Variants in ASAP3 observed in about 807,000 individuals in gnomAD.
ASAP3 encodes arf-GAP with SH3 domain, ANK repeat and PH domain-containing protein 3.
In ASAP3, 85 loss-of-function variants were observed where a neutral mutation model predicts 118.2. That is an observed-to-expected ratio of 0.72 (90% CI 0.60 to 0.86). ASAP3 has a LOEUF of 0.86. Among genes scored for constraint, ASAP3 ranks in the 40% least tolerant of loss-of-function variants. ASAP3 has a pLI of 0.00. For synonymous variants in ASAP3, 432 were observed against 477.4 expected (o/e 0.90, Z 1.24); for missense variants, 1,026 against 1,175.0 (o/e 0.87, Z 1.85).
At chr1:23,480,685 T>C (rs939949547) in intron 1 of ASAP3, among the ~76,000 whole-genome samples, 13 of 152,144 alleles carry the variant, frequency 8.5e-5, no homozygotes, top group Non-Finnish European at 1.8e-4. Context: ...TCCATAGAGA[T>C]GGCACAGAGA....
chr1:23,437,101 T>C lies in ASAP3; in HGVS notation c.1342+29A>G, dbSNP rs1426842780. The C allele has an allele frequency of 6.3e-7, 1 of 1,598,862 alleles. No individual in the cohort carries two copies. The highest frequency in any genetic ancestry group is 2.3e-5 in the East Asian group (1 of 44,186). On this transcript the variant is annotated intron_variant, in intron 14 of 24. Coordinates refer to ENST00000336689, the MANE Select transcript of ASAP3 (RefSeq NM_017707.4). This position sits in a 1 kb window ranked among gnomAD's most constrained non-coding sequence, Gnocchi z 6.1. ...GCAGCCCCTCCCCTCCACTTAAGCC[T>C]CCCTCCTGCCCCGGCCCCGGGGACC...
intron 1 of ASAP3, among the ~76,000 whole-genome samples, chr1:23,468,932 A>G: frequency 6.7e-6 from 1 of 150,352 alleles, no homozygotes; most frequent in Non-Finnish European, 1.5e-5. Context: ...CACTTAAAAT[A>G]TTTAACAAAA....
intron 1 of ASAP3, among the ~76,000 whole-genome samples, chr1:23,465,838 A>G (rs1558171009): frequency 6.6e-6 from 1 of 152,152 alleles, no homozygotes; most frequent in Non-Finnish European, 1.5e-5. Context: ...AGCCAAATCC[A>G]GGGCCAATGT....
intron 23 of ASAP3, 38 bp from the exon 24 acceptor site, chr1:23,431,163 C>A (rs1243832944): frequency 3.2e-6 from 5 of 1,547,758 alleles, no homozygotes; most frequent in Non-Finnish European, 4.4e-6. Context: ...CCCTCATGTC[C>A]AGAGAGCCCC....
intron 4 of ASAP3, 48 bp from the exon 5 acceptor site, chr1:23,451,576 G>A: frequency 1.3e-6 from 2 of 1,583,868 alleles, no homozygotes; most frequent in Non-Finnish European, 1.7e-6. Context: ...CTGGAGCACT[G>A]GAATAAACAG....
At chr1:23,455,287 G>A (rs1570373870) in intron 3 of ASAP3, among the ~76,000 whole-genome samples, 1 of 152,206 alleles carries the variant, frequency 6.6e-6, no homozygotes, top group Non-Finnish European at 1.5e-5. Flanking sequence ...CTGCACATGG[G>A]AAGAGCTGCT....
At position 23,434,327 on chromosome 1, in the gene ASAP3, C is replaced by A; in HGVS notation, c.1878G>T (p.Leu626=). The A allele has an allele frequency of 6.2e-7, 1 of 1,614,216 alleles. No homozygotes were observed. The highest frequency in any genetic ancestry group is 8.5e-7 in the Non-Finnish European group (1 of 1,180,044). Residue 626 remains leucine, a synonymous_variant, in exon 19 of 25, where the codon CTG becomes CTT. Transcript: ENST00000336689. ...GCTGGTTGTAGAGTGCTGCGTAGTG[C>A]AGAGCCGTGTTCCCGTCAGCAGCCT... is the stretch of plus-strand genomic sequence containing the variant. ...DAKAADGNTA[L]HYAALYNQPD... is the part of the protein sequence containing the mutation.
intron 23 of ASAP3, 72 bp downstream of exon 23, chr1:23,431,624 G>T: frequency 7.4e-7 from 1 of 1,349,652 alleles, no homozygotes; most frequent in South Asian, 1.4e-5. Context: ...ACTATTTAGA[G>T]GTGTGGAAAT....
chr1:23,431,272 C>A, intron 23 of ASAP3, 147 bp from the exon 24 acceptor site: 1 of 763,270 alleles, frequency 1.3e-6, no homozygotes, highest in Non-Finnish European at 2.1e-6. Context: ...CATCACAGGC[C>A]CAAGAAGGCT....
At chr1:23,472,332 A>ATGTTT (rs1189399148) in intron 1 of ASAP3, among the ~76,000 whole-genome samples, 1 of 152,050 alleles carries the variant, frequency 6.6e-6, no homozygotes, top group African/African-American at 2.4e-5. Context: ...CTCTCAGCAA[A>ATGTTT]TGTTTTGTTT....
At chr1:23,469,035 T>C (rs1303394534) in intron 1 of ASAP3, among the ~76,000 whole-genome samples, 2 of 151,856 alleles carry the variant, frequency 1.3e-5, no homozygotes, top group East Asian at 3.9e-4. Context: ...TCAGGTGTTG[T>C]GGCTCCTGCC....
chr1:23,452,772 C>G lies in ASAP3; in HGVS notation c.349-1G>C. The G allele has an allele frequency of 2.5e-6, 4 of 1,613,936 alleles. No homozygotes were observed. Among genetic ancestry groups the G allele is most frequent in the African/African-American group, 1.3e-5 (1 of 75,042 alleles). ...AGACAATGTTGTTCAAGTTCTGAAT[C>G]TGGAAAAAACAGAGACGCTCATTCC... On this transcript the variant is annotated splice_acceptor_variant, in intron 3 of 24. Transcript: ENST00000336689. LOFTEE classifies it high-confidence loss of function.
At chr1:23,458,117 C>T (rs575688448) in intron 1 of ASAP3, among the ~76,000 whole-genome samples, 1 of 152,128 alleles carries the variant, frequency 6.6e-6, no homozygotes, top group Non-Finnish European at 1.5e-5. Context: ...CCGTGGAGGC[C>T]CATCCCAGGG....
chr1:23,434,138 C>T, intron 19 of ASAP3, 116 bp downstream of exon 19: 1 of 969,834 alleles, frequency 1.0e-6, no homozygotes, highest in Admixed American at 2.1e-5. Context: ...ATGACAAACC[C>T]CTAAGATCAC....
chr1:23,482,693 A>G (rs1168840190), intron 1 of ASAP3, among the ~76,000 whole-genome samples: 2 of 152,176 alleles, frequency 1.3e-5, no homozygotes, highest in Non-Finnish European at 2.9e-5. Flanking sequence ...TCACGCCTGT[A>G]ATCCCAGCAC....
At chr1:23,434,070 C>T (rs553738852) in intron 19 of ASAP3, among the ~76,000 whole-genome samples, 184 bp downstream of exon 19, 16 of 152,280 alleles carry the variant, frequency 1.1e-4, no homozygotes, top group Admixed American at 4.6e-4. Flanking sequence ...AGCAGTCCTG[C>T]TAGGTCAGTG....
chr1:23,437,404 C>T lies in ASAP3; in HGVS notation c.1151+20G>A, dbSNP rs1640714929. On this transcript the variant is annotated intron_variant, in intron 13 of 24. Coordinates refer to ENST00000336689, the MANE Select transcript of ASAP3 (RefSeq NM_017707.4). This position sits in a 1 kb window ranked among gnomAD's most constrained non-coding sequence, Gnocchi z 6.1. ...GCCCCCACCCACAAGGCTGGCCGGG[C>T]TGGCCGAGGGGGCACTCACGCCTCA... 6.2e-7 allele frequency: 1 copy of T among 1,613,196 alleles called. No homozygotes were observed. The highest frequency in any genetic ancestry group is 8.5e-7 in the Non-Finnish European group (1 of 1,179,524).
chr1:23,434,150 G>A, intron 19 of ASAP3, 104 bp downstream of exon 19: 1 of 1,082,098 alleles, frequency 9.2e-7, no homozygotes, highest in Non-Finnish European at 1.4e-6. Context: ...TAAGATCACA[G>A]AGGTGGTCAG....
Position 23,434,250 on chromosome 1 carries a change from C to T in ASAP3, c.1951+4G>A, listed in dbSNP as rs377610053. The T allele has an allele frequency of 1.4e-5, 23 of 1,613,834 alleles. No homozygotes were observed. Among genetic ancestry groups the T allele is most frequent in the Non-Finnish European group, 1.9e-5 (23 of 1,179,924 alleles). ...GTCTGACGGAGGAGGTATTCAAGCC[C>T]CACCTGTGCCAACCAAAGCTCTCCC... On this transcript the variant is annotated splice_donor_region_variant and intron_variant, in intron 19 of 24. Transcript: ENST00000336689.
Sources: allele counts gnomAD v4.1 joint callset (sites outside exome capture counted in the v4.1 genomes callset), GRCh38; gene constraint gnomAD v4.1.1; non-coding constraint Gnocchi (gnomAD v3.1); transcripts MANE v1.5; gene names NCBI Gene and HGNC (gene_info 2026-07-23, HGNC 2026-07-21).